The following PCDHA8 variants were observed in gnomAD, a reference collection of about 807,000 sequenced individuals.
The protein encoded by PCDHA8 is protocadherin alpha 8, also known as protocadherin alpha-8.
In PCDHA8, 53 loss-of-function variants were observed where a neutral mutation model predicts 61.8. That is an observed-to-expected ratio of 0.86 (90% CI 0.69 to 1.08). The LOEUF is 1.08. PCDHA8 is among the 50% of genes least tolerant of loss of function. The probability of loss-of-function intolerance (pLI) is 0.00; values close to 1 mark genes in which losing one functional copy is unlikely to be tolerated. For missense variants in PCDHA8, 1,293 were observed against 1,245.0 expected, an observed-to-expected ratio of 1.04 and a Z score of -0.58; for synonymous variants, 618 against 556.6, an observed-to-expected ratio of 1.11 and a Z score of -1.55.
intron 1 of PCDHA8, among the ~76,000 whole-genome samples, chr5:140,916,660 T>A (rs2077673786): frequency 6.6e-6 from 1 of 152,172 alleles, no homozygotes; most frequent in African/African-American, 2.4e-5. Flanking sequence ...GTATCCAAGA[T>A]GCAAGACAAA....
chr5:140,937,106 C>T (rs2091337574), intron 1 of PCDHA8, among the ~76,000 whole-genome samples: 1 of 149,206 alleles, frequency 6.7e-6, no homozygotes, highest in Admixed American at 6.7e-5. Context: ...GGCGCAGTCT[C>T]GGCTCACTGC....
chr5:140,851,781 A>G, intron 1 of PCDHA8: 1 of 959,776 alleles, frequency 1.0e-6, no homozygotes. Context: ...AATTTAGATG[A>G]GAATTCACTT....
Position 140,841,949 on chromosome 5 carries a change from T to C in PCDHA8, c.628T>C (p.Leu210=). The change falls in exon 1 of 4, where the codon TTA becomes CTA. Residue 210 remains leucine, a synonymous_variant. Transcript: ENST00000531613. The part of the protein sequence containing the change: ...LDREDAPAHH[L]FLTATDGGKP... ...CAGAGAGGACGCTCCTGCGCACCAC[T>C]TATTCCTGACAGCCACAGATGGGGG... 6.2e-7 allele frequency: 1 copy of C among 1,613,920 alleles called. No homozygotes were observed. Among genetic ancestry groups the C allele is most frequent in the Non-Finnish European group, 8.5e-7 (1 of 1,179,868 alleles).
chr5:140,892,826 C>T (rs1554185388), intron 1 of PCDHA8, among the ~76,000 whole-genome samples: 1 of 152,166 alleles, frequency 6.6e-6, no homozygotes, highest in Non-Finnish European at 1.5e-5. Flanking sequence ...TACAGTGCTA[C>T]AGTGCTGCAA....
chr5:140,934,235 A>G (rs1202721010), intron 1 of PCDHA8, among the ~76,000 whole-genome samples: 1 of 152,048 alleles, frequency 6.6e-6, no homozygotes, highest in Non-Finnish European at 1.5e-5. Flanking sequence ...TTTGTACTTA[A>G]TTGTGGAGAT....
In PCDHA8 at chr5:140,943,486, T is replaced by C. The variant is rs573341102; in HGVS notation, c.2395-35463T>C. Among the ~76,000 whole-genome samples the C allele has an allele frequency of 2.6e-5, 4 of 152,178 alleles. No homozygotes were observed. The South Asian group carries it at 8.3e-4, about 32-fold the overall frequency. Reference sequence around the variant, plus strand: ...GTGGGAGATACAGTAAAATAATAAATAGATGCTATCAAGGTTCATGGAAAT... The same window carrying C: ...GTGGGAGATACAGTAAAATAATAAACAGATGCTATCAAGGTTCATGGAAAT... On this transcript the variant is annotated intron_variant, in intron 1 of 3. Coordinates refer to ENST00000531613, the MANE Select transcript of PCDHA8 (RefSeq NM_018911.3).
chr5:140,855,741 A>C, intron 1 of PCDHA8: 2 of 313,634 alleles, frequency 6.4e-6, no homozygotes, highest in Non-Finnish European at 5.9e-6. Flanking sequence ...AAGAGACGTA[A>C]TGTGAGGCTT....
chr5:140,967,217 C>T, intron 1 of PCDHA8: 1 of 1,613,682 alleles, frequency 6.2e-7, no homozygotes, highest in Non-Finnish European at 8.5e-7. Flanking sequence ...TTTCCCGCGG[C>T]CCAACTACCA....
intron 1 of PCDHA8, among the ~76,000 whole-genome samples, chr5:140,972,762 A>G (rs1048509158): frequency 4.7e-5 from 7 of 150,026 alleles, no homozygotes; most frequent in African/African-American, 1.7e-4. Context: ...CTCCCAAGTT[A>G]AAGTGATTCT....
intron 1 of PCDHA8, among the ~76,000 whole-genome samples, chr5:140,962,286 T>C (rs1209495659): frequency 1.3e-5 from 2 of 152,224 alleles, no homozygotes; most frequent in Admixed American, 6.5e-5. Context: ...CCTCAACCTT[T>C]AATATTCTAT....
rs1269379462 is a variant in PCDHA8, at chr5:141,005,696, C to T, written c.2543-3931C>T. 3.0e-4 allele frequency among the ~76,000 whole-genome samples: 31 copies of T among 105,030 alleles called. No individual in the cohort carries two copies. In the East Asian group the frequency reaches 8.2e-3, roughly 28 times the overall value. 68.9% of individuals were successfully genotyped at this position (105,030 alleles called of 152,430 possible). ...CAGCCTGGGCGACAGAGCGAAACTC[C>T]GTCTCAAAAAAAAAAAAAAAAAAAA... is the stretch of plus-strand genomic sequence containing the variant. On this transcript the variant is annotated intron_variant, in intron 3 of 3. Transcript: ENST00000531613.
At chr5:140,883,974 G>A (rs782820820) in intron 1 of PCDHA8, 6 of 1,612,844 alleles carry the variant, frequency 3.7e-6, no homozygotes, top group African/African-American at 2.7e-5. Flanking sequence ...CTGACGCCCG[G>A]GGCTGGCAGC....
At chr5:140,877,137 G>A in intron 1 of PCDHA8, 1 of 1,613,796 alleles carries the variant, frequency 6.2e-7, no homozygotes. Context: ...AGGTGTTCGT[G>A]CTGGACGAGA....
intron 1 of PCDHA8, among the ~76,000 whole-genome samples, chr5:140,951,383 G>A (rs782698893): frequency 1.2e-4 from 19 of 152,064 alleles, no homozygotes; most frequent in Non-Finnish European, 2.6e-4. Flanking sequence ...CCAAGACTCG[G>A]TAATTTATAA....
chr5:140,862,992 C>T (rs781974665), intron 1 of PCDHA8: 29 of 548,250 alleles, frequency 5.3e-5, no homozygotes, highest in South Asian at 3.7e-4. Context: ...AAGGTGCGCA[C>T]GGTGGACTCC....
At chr5:141,005,032 T>A (rs1031521338) in intron 3 of PCDHA8, among the ~76,000 whole-genome samples, 2 of 152,228 alleles carry the variant, frequency 1.3e-5, no homozygotes, top group Non-Finnish European at 2.9e-5. Context: ...TAATTGCCCA[T>A]ATGTGATACC....
At chr5:140,857,864 C>T (rs782625866) in intron 1 of PCDHA8, 4 of 1,597,766 alleles carry the variant, frequency 2.5e-6, no homozygotes, top group Middle Eastern at 3.4e-4. Flanking sequence ...CAACGCGTGG[C>T]TGTCGTATGA....
At chr5:140,858,263 T>A (rs781901851) in intron 1 of PCDHA8, 1 of 1,596,360 alleles carries the variant, frequency 6.3e-7, no homozygotes, top group Non-Finnish European at 8.6e-7. Flanking sequence ...CACGCTGGTG[T>A]GCTCTAGCGC....
chr5:140,921,364 T>G (rs2080173595), intron 1 of PCDHA8, among the ~76,000 whole-genome samples: 1 of 152,196 alleles, frequency 6.6e-6, no homozygotes, highest in Non-Finnish European at 1.5e-5. Flanking sequence ...TATTCAAGTT[T>G]CATATTTCTA....
Sources: gnomAD v4.1 joint callset for allele counts (sites outside exome capture counted in the v4.1 genomes callset) on GRCh38, gnomAD v4.1.1 for gene constraint, MANE v1.5 for transcripts, NCBI Gene and HGNC (gene_info 2026-07-23, HGNC 2026-07-21) for gene names.